The following SGCZ variants were observed in gnomAD, a reference collection of about 807,000 sequenced individuals.
SGCZ encodes zeta-sarcoglycan.
SGCZ carries 40 observed loss-of-function variants against 41.3 expected under a neutral mutation model. The ratio of observed to expected loss-of-function variants is 0.97; its 90% confidence interval spans 0.75 to 1.26. The LOEUF (loss-of-function observed/expected upper bound fraction) is 1.26, where lower values mean the gene tolerates loss of function less well. Among genes scored for constraint, SGCZ ranks in the 50% most tolerant of loss-of-function variants. The pLI is 0.00. For synonymous variants in SGCZ, 206 were observed against 137.5 expected (o/e 1.50, Z -3.49); for missense variants, 552 against 369.8 (o/e 1.49, Z -4.04).
rs181021553 is a variant in SGCZ, at chr8:14,539,912, A to G, written c.234+14820T>C. On this transcript the variant is annotated intron_variant, in intron 2 of 7. Transcript: ENST00000382080. ...TGTTGGCTTGTTTGCTTTAATTTAA[A>G]AATAGAGGTGGACCAGTAGATGAGA... Among the ~76,000 whole-genome samples the G allele has an allele frequency of 8.5e-5, 13 of 152,148 alleles. No homozygotes were observed. In the East Asian group the frequency reaches 2.5e-3, roughly 29 times the overall value.
At chr8:14,584,408 C>G (rs552145897) in intron 1 of SGCZ, among the ~76,000 whole-genome samples, 12 of 151,958 alleles carry the variant, frequency 7.9e-5, no homozygotes, top group African/African-American at 2.9e-4. Flanking sequence ...ACATTCTAGG[C>G]TAAGATTTTT....
chr8:14,203,434 C>G (rs995683691), intron 4 of SGCZ, among the ~76,000 whole-genome samples: 1 of 152,090 alleles, frequency 6.6e-6, no homozygotes, highest in East Asian at 1.9e-4. Flanking sequence ...TAATACAATT[C>G]TTTTCCTTTT....
intron 1 of SGCZ, among the ~76,000 whole-genome samples, chr8:15,074,977 T>C (rs1805478096): frequency 6.6e-6 from 1 of 152,136 alleles, no homozygotes; most frequent in Non-Finnish European, 1.5e-5. Context: ...TTCAAGAGCA[T>C]GAATTGTATC....
At chr8:14,311,479 T>C (rs977594325) in intron 3 of SGCZ, among the ~76,000 whole-genome samples, 6 of 152,142 alleles carry the variant, frequency 3.9e-5, no homozygotes, top group African/African-American at 1.4e-4. Context: ...AATAAAGCCA[T>C]AAAGCCCAGA....
At chr8:15,141,477 A>T (rs769628102) in intron 1 of SGCZ, among the ~76,000 whole-genome samples, 1 of 152,234 alleles carries the variant, frequency 6.6e-6, no homozygotes, top group Non-Finnish European at 1.5e-5. Context: ...AAATTTCCTA[A>T]ACTCAGAACA....
intron 1 of SGCZ, among the ~76,000 whole-genome samples, chr8:15,077,958 G>A (rs1234141939): frequency 6.6e-6 from 1 of 151,958 alleles, no homozygotes; most frequent in Non-Finnish European, 1.5e-5. Flanking sequence ...GTTTTTGTGT[G>A]GATAAGGAAC....
chr8:14,262,061 G>C lies in SGCZ; in HGVS notation c.337-24382C>G, dbSNP rs192947837. On this transcript the variant is annotated intron_variant, in intron 3 of 7. Coordinates refer to ENST00000382080, the MANE Select transcript of SGCZ (RefSeq NM_139167.4). Reference sequence around the variant, plus strand: ...TCAGAGGATACAGTATAGTTTTTGAGAGAATTAAATCTGTGACACATTACT... The same window carrying C: ...TCAGAGGATACAGTATAGTTTTTGACAGAATTAAATCTGTGACACATTACT... 9.2e-5 allele frequency among the ~76,000 whole-genome samples: 14 copies of C among 152,274 alleles called. No homozygotes were observed. In the East Asian group the frequency reaches 1.9e-3, roughly 21 times the overall value.
chr8:15,111,396 G>C (rs1239523612), intron 1 of SGCZ, among the ~76,000 whole-genome samples: 2 of 152,132 alleles, frequency 1.3e-5, no homozygotes, highest in African/African-American at 4.8e-5. Context: ...CCCTTCATTT[G>C]CATAGGGCAC....
At chr8:14,570,370 G>C (rs994098407) in intron 1 of SGCZ, among the ~76,000 whole-genome samples, 4 of 152,130 alleles carry the variant, frequency 2.6e-5, no homozygotes, top group Non-Finnish European at 4.4e-5. Context: ...TCAGAGGATG[G>C]AGTTAATGAA....
At chr8:14,551,490 T>TATATATAATATATATA (rs1803824544) in intron 2 of SGCZ, among the ~76,000 whole-genome samples, 1 of 2,672 alleles carries the variant, frequency 3.7e-4, no homozygotes, top group Admixed American at 7.1e-3. Context: ...TTATATATAT[T>TATATATAATATATATA]ATATATATTA....
At chr8:14,146,890 A>AAAAAAAATAAT (rs1182329393) in intron 5 of SGCZ, among the ~76,000 whole-genome samples, 1 of 116,266 alleles carries the variant, frequency 8.6e-6, no homozygotes, top group Non-Finnish European at 1.8e-5. Context: ...AAAATAAAAA[A>AAAAAAAATAAT]AATAATAATA....
chr8:14,248,354 G>C (rs7842522), intron 3 of SGCZ, among the ~76,000 whole-genome samples: 1 of 151,818 alleles, frequency 6.6e-6, no homozygotes, highest in Non-Finnish European at 1.5e-5. Flanking sequence ...TGATGATGGT[G>C]ATGACGATGC....
intron 2 of SGCZ, among the ~76,000 whole-genome samples, chr8:14,449,613 G>T (rs548894040): frequency 1.6e-4 from 25 of 152,254 alleles, no homozygotes; most frequent in African/African-American, 6.0e-4. Flanking sequence ...TCCCTCCACA[G>T]TATGAAGCAT....
intron 2 of SGCZ, among the ~76,000 whole-genome samples, chr8:14,396,433 G>A (rs1798922587): frequency 6.6e-6 from 1 of 152,104 alleles, no homozygotes; most frequent in Non-Finnish European, 1.5e-5. Context: ...GGAAAATGGT[G>A]AGAATTTGAT....
At chr8:14,823,744 A>T (rs1443900715) in intron 1 of SGCZ, among the ~76,000 whole-genome samples, 3 of 152,218 alleles carry the variant, frequency 2.0e-5, no homozygotes, top group East Asian at 1.9e-4. Context: ...TTCAAAGGAC[A>T]TAAATCACTA....
chr8:14,590,375 G>C (rs1045268500), intron 1 of SGCZ, among the ~76,000 whole-genome samples: 3 of 151,838 alleles, frequency 2.0e-5, no homozygotes, highest in African/African-American at 7.2e-5. Context: ...TTTTCTAAAA[G>C]ATGTAAGGTA....
chr8:14,879,606 AC>A (rs1471614193), intron 1 of SGCZ: 1 of 151,352 alleles, frequency 6.6e-6, no homozygotes, highest in Non-Finnish European at 1.5e-5. Context: ...ACACACACAC[AC>A]ACACACACAC....
At chr8:14,559,027 T>A (rs939379146) in intron 1 of SGCZ, among the ~76,000 whole-genome samples, 1 of 152,020 alleles carries the variant, frequency 6.6e-6, no homozygotes. Context: ...AACATAACAG[T>A]GAATGCGGAA....
intron 1 of SGCZ, among the ~76,000 whole-genome samples, chr8:15,020,754 A>G (rs1219559968): frequency 1.3e-5 from 2 of 152,214 alleles, no homozygotes; most frequent in East Asian, 1.9e-4. Flanking sequence ...ATATGTCTTA[A>G]TATACAGTGA....
Sources: gnomAD v4.1 joint callset for allele counts (sites outside exome capture counted in the v4.1 genomes callset) on GRCh38, gnomAD v4.1.1 for gene constraint, MANE v1.5 for transcripts, NCBI Gene and HGNC (gene_info 2026-07-23, HGNC 2026-07-21) for gene names.